The following CFAP20DC variants were observed in gnomAD, a reference collection of about 807,000 sequenced individuals.
The protein encoded by CFAP20DC is CFAP20 domain containing, also known as protein CFAP20DC.
Under a neutral mutation model 101.7 loss-of-function variants are expected in CFAP20DC, and 84 were observed. That is an observed-to-expected ratio of 0.83 (90% CI 0.69 to 0.99). The LOEUF (loss-of-function observed/expected upper bound fraction) is 0.99, where lower values mean the gene tolerates loss of function less well. Ranked by LOEUF, CFAP20DC falls within the 50% of genes least tolerant of loss-of-function variation. The pLI is 0.00. For synonymous variants in CFAP20DC, 359 were observed against 351.2 expected, an observed-to-expected ratio of 1.02 and a Z score of -0.25; for missense variants, 1,007 against 970.3, an observed-to-expected ratio of 1.04 and a Z score of -0.50.
intron 5 of CFAP20DC, among the ~76,000 whole-genome samples, chr3:58,919,467 T>C (rs575940338): frequency 6.6e-6 from 1 of 152,318 alleles, no homozygotes; most frequent in South Asian, 2.1e-4. Context: ...TTTTTGGAAA[T>C]TGTTTTGACT....
intron 13 of CFAP20DC, among the ~76,000 whole-genome samples, 192 bp downstream of exon 13, chr3:58,848,840 T>C (rs991608202): frequency 9.9e-5 from 15 of 152,180 alleles, no homozygotes; most frequent in Non-Finnish European, 1.8e-4. Flanking sequence ...GGTATTCTAT[T>C]ATCCTTGGGA....
Position 58,724,217 on chromosome 3 carries a change from G to A in CFAP20DC, c.198-6589C>T, listed in dbSNP as rs2067514411. On this transcript the variant is annotated intron_variant, in intron 3 of 3. Coordinates refer to the CFAP20DC transcript ENST00000486145. The surrounding 1 kb of genome is among the most constrained non-coding windows in gnomAD (Gnocchi z 5.6). ...CTCTAACACCACAAAGGTGGTGAAG[G>A]CAAACTGGAAAATCACCATGGGGAA... Among the ~76,000 whole-genome samples the A allele has an allele frequency of 6.6e-6, 1 of 152,162 alleles. No individual in the cohort carries two copies. The highest frequency in any genetic ancestry group is 1.5e-5 in the Non-Finnish European group (1 of 68,036).
intron 15 of CFAP20DC, among the ~76,000 whole-genome samples, chr3:58,760,996 CT>C (rs2069523449): frequency 6.6e-6 from 1 of 152,062 alleles, no homozygotes; most frequent in Non-Finnish European, 1.5e-5. Context: ...CTAAGATGCT[CT>C]TTTTTTGTTG....
chr3:58,896,530 A>G (rs980986950), intron 6 of CFAP20DC, among the ~76,000 whole-genome samples: 2 of 152,044 alleles, frequency 1.3e-5, no homozygotes, highest in Non-Finnish European at 1.5e-5. Flanking sequence ...AGTGTTATAA[A>G]TTTCCCTTTT....
At chr3:59,034,205 T>C (rs1213446874) in intron 4 of CFAP20DC, among the ~76,000 whole-genome samples, 1 of 151,810 alleles carries the variant, frequency 6.6e-6, no homozygotes, top group African/African-American at 2.4e-5. Context: ...GCACTAAATA[T>C]GAAAAGGAAA....
At chr3:58,918,766 C>T (rs2085014551) in intron 5 of CFAP20DC, among the ~76,000 whole-genome samples, 1 of 152,100 alleles carries the variant, frequency 6.6e-6, no homozygotes. Flanking sequence ...ACTAGCCTCA[C>T]CACTTACTAG....
chr3:58,990,534 T>C (rs1576617634), intron 4 of CFAP20DC, among the ~76,000 whole-genome samples: 1 of 152,146 alleles, frequency 6.6e-6, no homozygotes, highest in South Asian at 2.1e-4. Flanking sequence ...TGAGTCTCAG[T>C]TCAAATGTTA....
intron 4 of CFAP20DC, among the ~76,000 whole-genome samples, chr3:58,955,246 A>G (rs1035843859): frequency 5.3e-5 from 8 of 152,140 alleles, no homozygotes; most frequent in Non-Finnish European, 1.2e-4. Flanking sequence ...CTTCATAAGA[A>G]CCAAAAAATT....
intron 7 of CFAP20DC, among the ~76,000 whole-genome samples, chr3:58,873,569 C>A (rs1012994555): frequency 6.7e-6 from 1 of 149,010 alleles, no homozygotes; most frequent in African/African-American, 2.5e-5. Flanking sequence ...AAGCAGAAGT[C>A]TGGATAGCTA....
intron 5 of CFAP20DC, among the ~76,000 whole-genome samples, chr3:58,930,280 T>A (rs1055438991): frequency 1.3e-5 from 2 of 152,190 alleles, no homozygotes; most frequent in African/African-American, 4.8e-5. Flanking sequence ...TCTGGATGAC[T>A]GCAAAAAACT....
chr3:58,763,143 G>T (rs1317738030), intron 15 of CFAP20DC, among the ~76,000 whole-genome samples: 4 of 152,126 alleles, frequency 2.6e-5, no homozygotes, highest in Non-Finnish European at 5.9e-5. Context: ...TTTCCAACTT[G>T]GTTCCATTCT....
chr3:58,907,423 G>C (rs892994252), intron 6 of CFAP20DC, among the ~76,000 whole-genome samples: 1 of 152,122 alleles, frequency 6.6e-6, no homozygotes, highest in Non-Finnish European at 1.5e-5. Context: ...CCCTGAGCAG[G>C]GAAGCAGGGG....
chr3:58,936,707 A>T (rs2087693654), intron 5 of CFAP20DC, among the ~76,000 whole-genome samples: 1 of 152,202 alleles, frequency 6.6e-6, no homozygotes, highest in Non-Finnish European at 1.5e-5. Context: ...TCTCCCGCAC[A>T]GGTGGGAATT....
At chr3:58,842,512 C>T (rs2108203768) in intron 13 of CFAP20DC, among the ~76,000 whole-genome samples, 1 of 152,224 alleles carries the variant, frequency 6.6e-6, no homozygotes, top group South Asian at 2.1e-4. Context: ...TCGGAGGGTC[C>T]TACGCCCACG....
intron 4 of CFAP20DC, among the ~76,000 whole-genome samples, chr3:59,039,100 C>A (rs975327895): frequency 4.6e-5 from 7 of 151,942 alleles, no homozygotes; most frequent in African/African-American, 1.7e-4. Context: ...CCATTTAAAA[C>A]AAATATATTG....
At chr3:58,741,010 T>C (rs1237941419), downstream of CFAP20DC, among the ~76,000 whole-genome samples, 1 of 152,152 alleles carries the variant, frequency 6.6e-6, no homozygotes, top group Non-Finnish European at 1.5e-5. Flanking sequence ...CAAACACAAA[T>C]ATGGTTCTAA....
chr3:58,873,565 A>G (rs2080455063), intron 7 of CFAP20DC, among the ~76,000 whole-genome samples: 1 of 151,064 alleles, frequency 6.6e-6, no homozygotes, highest in Admixed American at 6.6e-5. Flanking sequence ...GCTCAAGCAG[A>G]AGTCTGGATA....
chr3:58,831,642 T>C (rs1336270393), intron 14 of CFAP20DC, 44 bp downstream of exon 14: 1 of 1,561,070 alleles, frequency 6.4e-7, no homozygotes, highest in Non-Finnish European at 8.8e-7. Flanking sequence ...AAAAGCTTGC[T>C]CCTTGTTAAG....
chr3:58,760,183 A>G (rs1224329581), intron 15 of CFAP20DC, among the ~76,000 whole-genome samples: 1 of 152,070 alleles, frequency 6.6e-6, no homozygotes, highest in Non-Finnish European at 1.5e-5. Context: ...ATGTTCTTCT[A>G]TTTCTTTGTA....
Sources: allele counts gnomAD v4.1 joint callset (sites outside exome capture counted in the v4.1 genomes callset), GRCh38; gene constraint gnomAD v4.1.1; non-coding constraint Gnocchi (gnomAD v3.1); transcripts MANE v1.5; gene names NCBI Gene and HGNC (gene_info 2026-07-23, HGNC 2026-07-21).